MYO16: variants seen among roughly 807,000 people sequenced by gnomAD.
MYO16 encodes the protein myosin XVI.
A neutral mutation model predicts 205.3 loss-of-function variants in MYO16; 94 were observed. The observed-to-expected ratio is 0.46, with a 90% CI of 0.39 to 0.54. The LOEUF is 0.54. Ranked by LOEUF, MYO16 falls within the 20% of genes least tolerant of loss-of-function variation. The pLI is 0.00. For synonymous variants in MYO16, 988 were observed against 954.0 expected, an observed-to-expected ratio of 1.04 and a Z score of -0.66; for missense variants, 2,315 against 2,387.5, an observed-to-expected ratio of 0.97 and a Z score of 0.63.
intron 16 of MYO16, among the ~76,000 whole-genome samples, chr13:108,946,789 T>C (rs554781882): frequency 3.3e-4 from 50 of 152,216 alleles, no homozygotes; most frequent in South Asian, 2.9e-3. Context: ...TCACCCAGGC[T>C]TGAGTGCAGT....
intron 10 of MYO16, among the ~76,000 whole-genome samples, chr13:108,849,348 G>A (rs1000462891): frequency 9.9e-5 from 15 of 151,904 alleles, no homozygotes; most frequent in African/African-American, 2.4e-4. Context: ...CTGCCACCAC[G>A]CCCAGCTAAT....
chr13:108,830,590 T>G (rs1164928208), intron 9 of MYO16, among the ~76,000 whole-genome samples: 1 of 128,144 alleles, frequency 7.8e-6, no homozygotes. Context: ...AAGGGGAACA[T>G]CACAGTCTGG....
chr13:108,526,040 CA>C, the MYO16 span, among the ~76,000 whole-genome samples: 1 of 151,592 alleles, frequency 6.6e-6, no homozygotes, highest in Non-Finnish European at 1.5e-5. Flanking sequence ...TCAAAAAACA[CA>C]TACATGGATG....
At position 109,193,782 on chromosome 13, in the gene MYO16, G is replaced by A. The variant is rs528778654; in HGVS notation, c.5416-12827G>A. ...CTTACCTCCTTTCCTAGTTATTCACGACTCTATTGTTACTCCAAAGCCAAC... is the reference window on the plus strand; with the variant it reads ...CTTACCTCCTTTCCTAGTTATTCACAACTCTATTGTTACTCCAAAGCCAAC... On this transcript the variant is annotated intron_variant, in intron 34 of 34. Coordinates refer to ENST00000457511, the MANE Select transcript of MYO16 (RefSeq NM_001198950.3). Among the ~76,000 whole-genome samples, 19 of 152,038 alleles carry A rather than the reference G, an allele frequency of 1.2e-4. 1 individual carries two copies. In the South Asian group the frequency reaches 2.1e-3, roughly 17 times the overall value.
chr13:108,505,468 AT>A, the MYO16 span, among the ~76,000 whole-genome samples: 1 of 152,172 alleles, frequency 6.6e-6, no homozygotes, highest in African/African-American at 2.4e-5. Flanking sequence ...TCGTTTGTAT[AT>A]CTTCTTTAGA....
At chr13:108,702,270 C>G (rs1883338528) in intron 2 of MYO16, among the ~76,000 whole-genome samples, 1 of 152,080 alleles carries the variant, frequency 6.6e-6, no homozygotes, top group Admixed American at 6.5e-5. Flanking sequence ...CTGTGAAAAG[C>G]CAAAGGCAAA....
chr13:109,180,344 T>C (rs1879403918), intron 34 of MYO16, among the ~76,000 whole-genome samples: 1 of 152,222 alleles, frequency 6.6e-6, no homozygotes, highest in African/African-American at 2.4e-5. Context: ...AATTTTAAAA[T>C]ATACTTTAAA....
intron 2 of MYO16, among the ~76,000 whole-genome samples, chr13:108,677,350 TATATGC>T (rs1882270265): frequency 8.0e-5 from 7 of 87,304 alleles, no homozygotes; most frequent in African/African-American, 3.4e-4. Context: ...TATATATATA[TATATGC>T]ATATATATAT....
intron 1 of MYO16, among the ~76,000 whole-genome samples, chr13:108,656,456 C>T (rs1486625789): frequency 6.6e-6 from 1 of 152,128 alleles, no homozygotes; most frequent in African/African-American, 2.4e-5. Context: ...TGAAAATGGA[C>T]TAATATACCA....
chr13:109,015,180 G>A (rs1885761806), intron 22 of MYO16, among the ~76,000 whole-genome samples: 1 of 152,150 alleles, frequency 6.6e-6, no homozygotes, highest in African/African-American at 2.4e-5. Context: ...AAGGGCTGTT[G>A]AATTTTGTTG....
chr13:108,499,621 A>G, the MYO16 span, among the ~76,000 whole-genome samples: 1 of 152,220 alleles, frequency 6.6e-6, no homozygotes, highest in Non-Finnish European at 1.5e-5. Flanking sequence ...CTAGGAAGAC[A>G]TGACAATAAA....
Position 108,770,745 on chromosome 13 carries a change from GA to G in MYO16, c.508-14886del, listed in dbSNP as rs144942269. 2.7e-3 allele frequency among the ~76,000 whole-genome samples: 410 copies of G among 152,300 alleles called. 18 individuals are homozygous for G. In the East Asian group the frequency reaches 0.069, roughly 26 times the overall value. ...TTGCAATCCAGGAGAGCCCAGGTGA[GA>G]AAATAAGAACCATTTCCAATATAAA... On this transcript the variant is annotated intron_variant, in intron 4 of 34. Coordinates refer to ENST00000457511, the MANE Select transcript of MYO16 (RefSeq NM_001198950.3).
chr13:109,025,139 C>G (rs1390706595), intron 23 of MYO16, among the ~76,000 whole-genome samples: 1 of 152,146 alleles, frequency 6.6e-6, no homozygotes, highest in Admixed American at 6.6e-5. Flanking sequence ...TTCATCACCA[C>G]TTGCTCCTCC....
chr13:108,509,400 C>G, the MYO16 span, among the ~76,000 whole-genome samples: 1 of 152,202 alleles, frequency 6.6e-6, no homozygotes, highest in African/African-American at 2.4e-5. Flanking sequence ...CATAATCCTA[C>G]TACTCTATGG....
At chr13:109,073,430 CCACAG>C (rs997770464) in intron 27 of MYO16, among the ~76,000 whole-genome samples, 15 of 8,972 alleles carry the variant, frequency 1.7e-3, no homozygotes, top group Non-Finnish European at 2.6e-3. Flanking sequence ...TCTTTATATT[CCACAG>C]GTGATCTGCA....
chr13:108,783,512 G>A (rs1886368836), intron 4 of MYO16, among the ~76,000 whole-genome samples: 1 of 152,166 alleles, frequency 6.6e-6, no homozygotes, highest in Non-Finnish European at 1.5e-5. Flanking sequence ...ATTGAGTTAA[G>A]ACTTTGGGGG....
intron 1 of MYO16, among the ~76,000 whole-genome samples, chr13:108,645,448 A>G (rs547052272): frequency 1.3e-5 from 2 of 152,272 alleles, no homozygotes; most frequent in Admixed American, 6.5e-5. Context: ...GTAGCTTTAA[A>G]AAGGCTCTCA....
At chr13:108,730,842 G>A (rs900764922) in intron 4 of MYO16, among the ~76,000 whole-genome samples, 1 of 152,166 alleles carries the variant, frequency 6.6e-6, no homozygotes, top group Non-Finnish European at 1.5e-5. Flanking sequence ...GATGTGGAGA[G>A]TTCTAGACAC....
the MYO16 span, among the ~76,000 whole-genome samples, chr13:108,569,153 C>A: frequency 2.6e-5 from 4 of 152,020 alleles, no homozygotes; most frequent in Non-Finnish European, 5.9e-5. Context: ...TGATTCCTTG[C>A]ATTTTCATAT....
Sources: gnomAD v4.1 joint callset for allele counts (sites outside exome capture counted in the v4.1 genomes callset) on GRCh38, gnomAD v4.1.1 for gene constraint, MANE v1.5 for transcripts, NCBI Gene and HGNC (gene_info 2026-07-23, HGNC 2026-07-21) for gene names.